Variants in IPO7 observed in about 807,000 individuals in gnomAD.
IPO7 encodes the protein importin 7.
A neutral mutation model predicts 136.4 loss-of-function variants in IPO7; 13 were observed. That is an observed-to-expected ratio of 0.10 (90% CI 0.06 to 0.15). IPO7 has a LOEUF of 0.15. Among genes scored for constraint, IPO7 ranks in the 10% least tolerant of loss-of-function variants. The pLI is 1.00. For missense variants in IPO7, 857 were observed against 1,240.6 expected (o/e 0.69, Z 4.65); for synonymous variants, 403 against 404.4 (o/e 1.00, Z 0.04).
chr11:9,438,777 C>G (rs948469247), intron 22 of IPO7, among the ~76,000 whole-genome samples: 6 of 152,162 alleles, frequency 3.9e-5, no homozygotes, highest in Non-Finnish European at 8.8e-5. Flanking sequence ...ACATGTAGAA[C>G]AGTTCAAACC....
intron 3 of IPO7, 73 bp from the exon 4 acceptor site, chr11:9,409,855 T>G: frequency 8.6e-7 from 1 of 1,160,352 alleles, no homozygotes; most frequent in Non-Finnish European, 1.2e-6. Flanking sequence ...TAAACAGCTA[T>G]TTTCCTTTCT....
At chr11:9,408,703 G>GTTTTTT (rs1782949167) in intron 3 of IPO7, 64 bp downstream of exon 3, 10 of 411,384 alleles carry the variant, frequency 2.4e-5, no homozygotes, top group Admixed American at 6.2e-5. Flanking sequence ...TTTGTTTTTT[G>GTTTTTT]GTTTTTTTTT....
intron 2 of IPO7, among the ~76,000 whole-genome samples, chr11:9,407,457 G>A (rs1854903465): frequency 6.6e-6 from 1 of 152,114 alleles, no homozygotes; most frequent in East Asian, 1.9e-4. Flanking sequence ...GGGAGGCTGA[G>A]GCAAGGAGAA....
At chr11:9,415,966 G>A (rs956619756) in intron 5 of IPO7, among the ~76,000 whole-genome samples, 1 of 152,148 alleles carries the variant, frequency 6.6e-6, no homozygotes, top group African/African-American at 2.4e-5. Flanking sequence ...ATGTACCATA[G>A]AAGGATTTAT....
chr11:9,412,592 A>G (rs2133740133), intron 4 of IPO7, among the ~76,000 whole-genome samples: 1 of 152,256 alleles, frequency 6.6e-6, no homozygotes, highest in Admixed American at 6.5e-5. Context: ...GAGGCAGGCG[A>G]ATCACTTGAG....
At chr11:9,394,119 C>T (rs1280996342) in intron 1 of IPO7, among the ~76,000 whole-genome samples, 11 of 152,110 alleles carry the variant, frequency 7.2e-5, no homozygotes, top group African/African-American at 1.9e-4. Flanking sequence ...CTTCGTGATC[C>T]GCCCTCCTCG....
intron 6 of IPO7, among the ~76,000 whole-genome samples, chr11:9,419,559 A>AAAAAAAAAATATATATATAT (rs1256216265): frequency 3.4e-5 from 4 of 116,846 alleles, no homozygotes; most frequent in African/African-American, 1.1e-4. Flanking sequence ...AAAAAAAAAA[A>AAAAAAAAAATATATATATAT]ATATATATAT....
chr11:9,429,495 C>A (rs1042124830), intron 14 of IPO7, among the ~76,000 whole-genome samples, 179 bp from the exon 15 acceptor site: 1 of 151,876 alleles, frequency 6.6e-6, no homozygotes, highest in Non-Finnish European at 1.5e-5. Context: ...CAGATCAAAA[C>A]CCTGCCTCTT....
chr11:9,403,532 G>A, intron 2 of IPO7, 161 bp downstream of exon 2: 2 of 559,066 alleles, frequency 3.6e-6, no homozygotes, highest in Non-Finnish European at 6.3e-6. Context: ...CTTGATATCT[G>A]GTGGCAGAGT....
chr11:9,435,611 T>C (rs886613205), intron 19 of IPO7, among the ~76,000 whole-genome samples: 2 of 152,224 alleles, frequency 1.3e-5, no homozygotes, highest in African/African-American at 4.8e-5. Context: ...CATCTAGTTA[T>C]GTTAGTCATT....
intron 24 of IPO7, 50 bp downstream of exon 24, chr11:9,442,247 T>A (rs1855468879): frequency 1.3e-6 from 1 of 761,646 alleles, no homozygotes; most frequent in Non-Finnish European, 2.3e-6. Context: ...TTTATAGGTT[T>A]AAAATTTTAT....
intron 15 of IPO7, chr11:9,430,322 T>C (rs1855275646): frequency 6.5e-6 from 1 of 154,908 alleles, no homozygotes; most frequent in Non-Finnish European, 1.4e-5. Context: ...ATTCCTGTTT[T>C]ACGGAGAAAA....
chr11:9,404,483 TA>T (rs907315541), intron 2 of IPO7, among the ~76,000 whole-genome samples: 13 of 149,340 alleles, frequency 8.7e-5, no homozygotes, highest in African/African-American at 1.5e-4. Context: ...AAATAAAAAA[TA>T]AAAAAAAATT....
intron 2 of IPO7, among the ~76,000 whole-genome samples, chr11:9,406,116 T>TTC (rs1195755908): frequency 7.2e-6 from 1 of 138,898 alleles, no homozygotes; most frequent in Non-Finnish European, 1.6e-5. Flanking sequence ...TTTTTTTTTT[T>TTC]TTTTTTTTTT....
At chr11:9,408,689 GT>G (rs764755785) in intron 3 of IPO7, 50 bp downstream of exon 3, 2 of 610,718 alleles carry the variant, frequency 3.3e-6, no homozygotes, top group Non-Finnish European at 4.7e-6. Flanking sequence ...AACTTTCAGG[GT>G]TTTTTGTTTT....
rs1229768470 is a variant in IPO7 at position 9,408,617 on chromosome 11, A to G, written c.298A>G (p.Ile100Val). ...CIRENIVEAI[I>V]HSPELIRVQL... ...TCGAGAAAATATTGTAGAAGCCATT[A>G]TCCATTCTCCTGAGCTCATCAGGTA... Residue 100 changes from isoleucine to valine, a missense_variant, in exon 3 of 25, where the codon ATC becomes GTC. Transcript: ENST00000379719. 2 of 1,603,082 alleles carry G rather than the reference A, an allele frequency of 1.2e-6. No individual in the cohort carries two copies. The highest frequency in any genetic ancestry group is 1.7e-6 in the Non-Finnish European group (2 of 1,175,446).
intron 4 of IPO7, among the ~76,000 whole-genome samples, chr11:9,412,889 ATT>A (rs1163764184): frequency 8.7e-5 from 11 of 126,310 alleles, no homozygotes; most frequent in Admixed American, 1.6e-4. Flanking sequence ...TGATTGATTG[ATT>A]TTTTTTTTTT....
intron 12 of IPO7, among the ~76,000 whole-genome samples, chr11:9,427,000 G>T (rs1855219439): frequency 1.3e-5 from 2 of 151,610 alleles, no homozygotes; most frequent in Admixed American, 6.6e-5. Flanking sequence ...TGCCTCAGGT[G>T]CCTGCCCCCA....
At position 9,434,119 on chromosome 11, in the gene IPO7, C is replaced by T. The variant is rs368871386; in HGVS notation, c.2074+273C>T. Among the ~76,000 whole-genome samples, 15 of 152,048 alleles carry T rather than the reference C, an allele frequency of 9.9e-5. No homozygotes were observed. In the East Asian group the frequency reaches 1.9e-3, roughly 20 times the overall value. On this transcript the variant is annotated intron_variant, in intron 18 of 24. Transcript: ENST00000379719. The stretch of plus-strand genomic sequence containing the variant: ...TGTATTTTTAGTAGAGACAGAGTTT[C>T]TCCATGTTGGTCAGACTGGTCTCGA...
Sources: gnomAD v4.1 joint callset for allele counts (sites outside exome capture counted in the v4.1 genomes callset) on GRCh38, gnomAD v4.1.1 for gene constraint, MANE v1.5 for transcripts, NCBI Gene and HGNC (gene_info 2026-07-23, HGNC 2026-07-21) for gene names.